SRC: variants seen among roughly 807,000 people sequenced by gnomAD.
SRC encodes SRC proto-oncogene, non-receptor tyrosine kinase.
A neutral mutation model predicts 62.9 loss-of-function variants in SRC; 13 were observed. The observed-to-expected ratio is 0.21, with a 90% confidence interval of 0.13 to 0.33. The LOEUF (loss-of-function observed/expected upper bound fraction) is 0.33. Ranked by LOEUF, SRC falls within the 10% of genes least tolerant of loss-of-function variation. The pLI is 1.00. For missense variants in SRC, 457 were observed against 737.3 expected (o/e 0.62, Z 4.40); for synonymous variants, 302 against 317.5 (o/e 0.95, Z 0.52).
Position 37,384,832 on chromosome 20 carries a change from C to T in SRC, c.250+429C>T, listed in dbSNP as rs2070426558. On this transcript the variant is annotated intron_variant, in intron 4 of 13. Transcript: ENST00000373578. The surrounding 1 kb of genome is among the most constrained non-coding windows in gnomAD (Gnocchi z 6.7). The stretch of plus-strand genomic sequence containing the variant: ...GGGGCACCGGATGGCCCCGGTTGGG[C>T]CCGCGCCAGGATGCGCCCCTGCGCC... 6.6e-6 allele frequency among the ~76,000 whole-genome samples: 1 copy of T among 152,206 alleles called. No individual in the cohort carries two copies. Among genetic ancestry groups the T allele is most frequent in the Non-Finnish European group, 1.5e-5 (1 of 68,022 alleles).
chr20:37,389,093 G>A (rs956656408), intron 5 of SRC, among the ~76,000 whole-genome samples: 9 of 152,114 alleles, frequency 5.9e-5, no homozygotes, highest in Admixed American at 3.9e-4. Context: ...GGGGGTCCTC[G>A]CAGTAGCAGA....
intron 2 of SRC, among the ~76,000 whole-genome samples, chr20:37,379,734 AT>A (rs1457172778): frequency 6.7e-5 from 10 of 149,268 alleles, no homozygotes; most frequent in African/African-American, 1.7e-4. Flanking sequence ...AAAAAAAAAA[AT>A]AATAATAATA....
intron 10 of SRC, 89 bp from the exon 11 acceptor site, chr20:37,401,511 GGC>G: frequency 1.0e-6 from 1 of 984,708 alleles, no homozygotes; most frequent in Admixed American, 2.1e-5. Context: ...GTTAAAGCAA[GGC>G]CAGCCACCTG....
intron 2 of SRC, among the ~76,000 whole-genome samples, chr20:37,369,658 A>C (rs2070130223): frequency 6.6e-6 from 1 of 152,020 alleles, no homozygotes; most frequent in African/African-American, 2.4e-5. Flanking sequence ...CCGGGCTAGA[A>C]GCTCCAGTAC....
intron 5 of SRC, chr20:37,386,493 G>T (rs780978080): frequency 2.8e-6 from 2 of 714,002 alleles, no homozygotes; most frequent in East Asian, 5.4e-5. Context: ...TACATGCTCC[G>T]TGGGCGGCGG....
chr20:37,368,523 TTTTTTTTTTTTTTTTTTTTTG>T (rs1568625174), intron 2 of SRC, among the ~76,000 whole-genome samples: 2 of 127,376 alleles, frequency 1.6e-5, no homozygotes, highest in Non-Finnish European at 3.2e-5. Flanking sequence ...ATTTTCTTTT[TTTTTTTTTTTTTTTTTTTTTG>T]TTTTTTTTTT....
At chr20:37,386,717 TACTC>T (rs2070461744) in intron 5 of SRC, among the ~76,000 whole-genome samples, 1 of 152,174 alleles carries the variant, frequency 6.6e-6, no homozygotes, top group African/African-American at 2.4e-5. Context: ...TCCACCTTCC[TACTC>T]ACTCACCCTC....
At position 37,397,678 on chromosome 20, in the gene SRC, C is replaced by T. The variant is rs2070674428; in HGVS notation, c.704-21C>T. The T allele has an allele frequency of 1.3e-6, 2 of 1,539,484 alleles. No individual in the cohort carries two copies. The highest frequency in any genetic ancestry group is 1.9e-5 in the Admixed American group (1 of 52,394). On this transcript the variant is annotated intron_variant, in intron 8 of 13. Coordinates refer to ENST00000373578, the MANE Select transcript of SRC (RefSeq NM_198291.3). The surrounding 1 kb of genome is among the most constrained non-coding windows in gnomAD (Gnocchi z 4.1). The stretch of plus-strand genomic sequence containing the variant: ...CCAGGGCAGAAGACCCGCCTAACTG[C>T]TCCTCCTGCCTCCTCCTCAGAACAC...
At chr20:37,348,778 G>C (rs73297345) in intron 1 of SRC, among the ~76,000 whole-genome samples, 1 of 152,166 alleles carries the variant, frequency 6.6e-6, no homozygotes, top group Non-Finnish European at 1.5e-5. Flanking sequence ...TATAATCACA[G>C]ATATGATAAG....
Position 37,351,629 on chromosome 20 carries a change from A to C in SRC, c.-247+5374A>C, listed in dbSNP as rs574954894. On this transcript the variant is annotated intron_variant, in intron 1 of 13. Transcript: ENST00000373578. The surrounding 1 kb of genome is among the most constrained non-coding windows in gnomAD (Gnocchi z 4.4). ...TAGCTTCTCTTAGGCTGCTTTGCCCAAATTCATGGCCTTGACTTTTACCTT... is the reference window on the plus strand; with the variant it reads ...TAGCTTCTCTTAGGCTGCTTTGCCCCAATTCATGGCCTTGACTTTTACCTT... Among the ~76,000 whole-genome samples, 15 of 152,274 alleles carry C rather than the reference A, an allele frequency of 9.9e-5. No individual in the cohort carries two copies. The highest frequency in any genetic ancestry group is 3.6e-4 in the African/African-American group (15 of 41,542).
Position 37,403,433 on chromosome 20 carries a change from C to T in SRC, c.*54C>T, listed in dbSNP as rs1248409994. The T allele has an allele frequency of 2.2e-5, 33 of 1,510,928 alleles. No individual in the cohort carries two copies. The highest frequency in any genetic ancestry group is 2.8e-5 in the Non-Finnish European group (32 of 1,124,948). The allele number at this position is 1,510,928 out of a possible 1,614,324, so 93.6% of individuals were successfully genotyped here. A position where few individuals can be genotyped will look rare whatever the true frequency, so the allele number is the denominator to read the frequency against. On this transcript the variant is annotated 3_prime_UTR_variant, in exon 14 of 14. Coordinates refer to ENST00000373578, the MANE Select transcript of SRC (RefSeq NM_198291.3). This position sits in a 1 kb window ranked among gnomAD's most constrained non-coding sequence, Gnocchi z 7.1. ...GCTTGGATCCTGGGCTGGGTGGCCCCTGTCTCGGGGCTTGCCCCACTCTGC... is the reference window on the plus strand; with the variant it reads ...GCTTGGATCCTGGGCTGGGTGGCCCTTGTCTCGGGGCTTGCCCCACTCTGC...
chr20:37,401,552 C>A lies in SRC; in HGVS notation c.1040-50C>A, dbSNP rs189513942. On this transcript the variant is annotated intron_variant, in intron 10 of 13. Coordinates refer to ENST00000373578, the MANE Select transcript of SRC (RefSeq NM_198291.3). ...GGATGGGTTTTGGGAATCACTGCAT[C>A]CTGGCAGAGGGACAGGGCAGGAGCT... 4.7e-6 allele frequency: 7 copies of A among 1,483,302 alleles called. No individual in the cohort carries two copies. In the East Asian group the frequency reaches 1.4e-4, roughly 30 times the overall value. The allele number at this position is 1,483,302 out of a possible 1,614,324, so 91.9% of individuals were successfully genotyped here.
intron 2 of SRC, among the ~76,000 whole-genome samples, chr20:37,368,719 T>A (rs1034044888): frequency 1.3e-5 from 2 of 150,850 alleles, no homozygotes; most frequent in Non-Finnish European, 3.0e-5. Context: ...CGCCCGGCTA[T>A]TTTTTGTAGT....
chr20:37,381,228 T>C (rs999551917), intron 2 of SRC, among the ~76,000 whole-genome samples: 2 of 152,160 alleles, frequency 1.3e-5, no homozygotes, highest in Admixed American at 6.5e-5. Context: ...AAGGTCCCTG[T>C]TATGCTTTTT....
chr20:37,358,054 C>G (rs900660770), intron 1 of SRC, among the ~76,000 whole-genome samples: 1 of 152,120 alleles, frequency 6.6e-6, no homozygotes, highest in Non-Finnish European at 1.5e-5. Flanking sequence ...TGGTATTAAG[C>G]AGGAACGAAG....
At chr20:37,367,090 T>A (rs545008221) in intron 2 of SRC, among the ~76,000 whole-genome samples, 151 of 149,274 alleles carry the variant, frequency 1.0e-3, no homozygotes, top group African/African-American at 3.5e-3. Flanking sequence ...CTCATTGTGG[T>A]TTTGATTTTT....
At chr20:37,355,201 T>G (rs2069863170) in intron 1 of SRC, among the ~76,000 whole-genome samples, 1 of 152,142 alleles carries the variant, frequency 6.6e-6, no homozygotes, top group Non-Finnish European at 1.5e-5. Flanking sequence ...ACTTTAGATT[T>G]GTGTTTGAAG....
In SRC at chr20:37,357,898, G is replaced by A. The variant is rs369913419; in HGVS notation, c.-246-7306G>A. ...CAGGTGCAAAGGCCCTGAGGCAGGA[G>A]TGTGCTGGCTTTTCAGGGAAGGGGC... On this transcript the variant is annotated intron_variant, in intron 1 of 13. Transcript: ENST00000373578. 2.6e-4 allele frequency among the ~76,000 whole-genome samples: 40 copies of A among 152,368 alleles called. 1 individual carries two copies. The highest frequency in any genetic ancestry group is 1.9e-3 in the South Asian group (9 of 4,826).
chr20:37,384,398 T>A lies in SRC; in HGVS notation c.245T>A (p.Leu82Gln). The A allele has an allele frequency of 7.0e-7, 1 of 1,419,976 alleles. No homozygotes were observed. The highest frequency in any genetic ancestry group is 9.2e-7 in the Non-Finnish European group (1 of 1,092,522). 88.0% of individuals were successfully genotyped at this position (1,419,976 alleles called of 1,614,324 possible). A position where few individuals can be genotyped will look rare whatever the true frequency, so the allele number is the denominator to read the frequency against. Residue 82 changes from leucine (L) to glutamine (Q), a missense_variant, in exon 4 of 14, where the codon CTG (leucine) becomes CAG (glutamine). Transcript: ENST00000373578. The surrounding 1 kb of genome is among the most constrained non-coding windows in gnomAD (Gnocchi z 6.7). Reference sequence around the variant, plus strand: ...ACCTCCCCGCAGAGGGCGGGCCCGCTGGCCGGTCAGTGCGCGGGCGGCGCG... The same window carrying A: ...ACCTCCCCGCAGAGGGCGGGCCCGCAGGCCGGTCAGTGCGCGGGCGGCGCG... ...TVTSPQRAGP[L>Q]AGGVTTFVAL...
Sources: gnomAD v4.1 joint callset for allele counts (sites outside exome capture counted in the v4.1 genomes callset) on GRCh38, gnomAD v4.1.1 for gene constraint, Gnocchi (gnomAD v3.1) non-coding constraint, MANE v1.5 for transcripts, NCBI Gene and HGNC (gene_info 2026-07-23, HGNC 2026-07-21) for gene names.